The following PRKN variants were observed in gnomAD, a reference collection of about 807,000 sequenced individuals.
PRKN encodes E3 ubiquitin-protein ligase parkin.
A neutral mutation model predicts 59.5 loss-of-function variants in PRKN; 56 were observed. The observed-to-expected ratio is 0.94, with a 90% CI of 0.76 to 1.18. The LOEUF (loss-of-function observed/expected upper bound fraction) is 1.18, where lower values mean the gene tolerates loss of function less well. Among genes scored for constraint, PRKN ranks in the 50% most tolerant of loss-of-function variants. The pLI is 0.00. For synonymous variants in PRKN, 250 were observed against 222.1 expected (o/e 1.13, Z -1.12); for missense variants, 657 against 596.4 (o/e 1.10, Z -1.06).
chr6:161,937,670 T>G (rs980569522), intron 6 of PRKN, among the ~76,000 whole-genome samples: 1 of 152,336 alleles, frequency 6.6e-6, no homozygotes, highest in East Asian at 1.9e-4. Flanking sequence ...GAACTCTTTT[T>G]AGTGAAATCA....
At chr6:161,438,043 T>A (rs989407452) in intron 9 of PRKN, among the ~76,000 whole-genome samples, 2 of 152,026 alleles carry the variant, frequency 1.3e-5, no homozygotes, top group Non-Finnish European at 2.9e-5. Context: ...TCGTACTAAG[T>A]CAGGATGATG....
At chr6:161,777,752 T>C (rs1475042049) in intron 7 of PRKN, among the ~76,000 whole-genome samples, 1 of 134,700 alleles carries the variant, frequency 7.4e-6, no homozygotes, top group Non-Finnish European at 1.5e-5. Flanking sequence ...TATATAGATA[T>C]ATATGTATAT....
At chr6:161,718,483 C>G (rs1787082432) in intron 7 of PRKN, among the ~76,000 whole-genome samples, 1 of 152,088 alleles carries the variant, frequency 6.6e-6, no homozygotes, top group Non-Finnish European at 1.5e-5. Context: ...AATGATGGTG[C>G]CTTGGGAACC....
intron 9 of PRKN, among the ~76,000 whole-genome samples, chr6:161,542,869 T>C (rs780403893): frequency 1.9e-4 from 29 of 152,150 alleles, no homozygotes; most frequent in Non-Finnish European, 3.1e-4. Context: ...CATCATATAT[T>C]TGGAGACTAG....
intron 6 of PRKN, among the ~76,000 whole-genome samples, chr6:161,843,834 T>C (rs1793089690): frequency 2.0e-5 from 3 of 152,142 alleles, no homozygotes; most frequent in Admixed American, 2.0e-4. Context: ...CATTCCATAG[T>C]ACAGCTACGA....
chr6:161,516,497 G>A (rs1453395554), intron 9 of PRKN, among the ~76,000 whole-genome samples: 3,781 of 76,598 alleles, frequency 0.049, 163 homozygotes, highest in African/African-American at 0.096. Flanking sequence ...AAAAAAAGAA[G>A]AAGAAGAAAG....
At chr6:162,338,535 G>A (rs1344344251) in intron 2 of PRKN, among the ~76,000 whole-genome samples, 1 of 152,166 alleles carries the variant, frequency 6.6e-6, no homozygotes, top group African/African-American at 2.4e-5. Flanking sequence ...ATTGCAGACG[G>A]AGTCTCCTTC....
In PRKN at chr6:161,663,827, T is replaced by C. The variant is rs188836657; in HGVS notation, c.872-94411A>G. 5.3e-5 allele frequency among the ~76,000 whole-genome samples: 8 copies of C among 152,184 alleles called. No individual in the cohort carries two copies. In the East Asian group the frequency reaches 1.5e-3, roughly 29 times the overall value. Reference sequence around the variant, plus strand: ...TCTAAGCTCCCAACAGCCGGCCCTGTGGTGAGAGGGTGGCTGGTGGACCAC... The same window carrying C: ...TCTAAGCTCCCAACAGCCGGCCCTGCGGTGAGAGGGTGGCTGGTGGACCAC... On this transcript the variant is annotated intron_variant, in intron 7 of 11. Transcript: ENST00000366898.
chr6:161,935,402 A>G (rs1779317300), intron 6 of PRKN, among the ~76,000 whole-genome samples: 1 of 151,928 alleles, frequency 6.6e-6, no homozygotes. Flanking sequence ...AAAATACAAA[A>G]AATTACCCAG....
chr6:162,180,253 G>C (rs867637433), intron 4 of PRKN, among the ~76,000 whole-genome samples: 7 of 152,076 alleles, frequency 4.6e-5, no homozygotes, highest in African/African-American at 1.7e-4. Context: ...AGAGACTACA[G>C]TCAATAATAA....
chr6:161,927,719 G>A (rs1222853490), intron 6 of PRKN, among the ~76,000 whole-genome samples: 2 of 151,852 alleles, frequency 1.3e-5, no homozygotes, highest in African/African-American at 4.8e-5. Context: ...AAGTTGCAGT[G>A]AGCCAAGACC....
intron 6 of PRKN, among the ~76,000 whole-genome samples, chr6:161,864,803 C>CCA (rs111415532): frequency 1.3e-5 from 2 of 151,384 alleles, no homozygotes; most frequent in Non-Finnish European, 2.9e-5. Context: ...ATTACAGTCG[C>CCA]CCACCACACC....
At position 161,366,982 on chromosome 6, in the gene PRKN, C is replaced by CTTTT. The variant is rs57164972; in HGVS notation, c.1168-6781_1168-6778dup. ...AAGTTTTTTGGGGTTTTTTTGTTTC[C>CTTTT]TTTTTTTTTTTTTTTTTTTTTTTTT... is the stretch of plus-strand genomic sequence containing the variant. On this transcript the variant is annotated intron_variant, in intron 10 of 11. Coordinates refer to ENST00000366898, the MANE Select transcript of PRKN (RefSeq NM_004562.3). Among the ~76,000 whole-genome samples the CTTTT allele has an allele frequency of 1.3e-4, 12 of 91,970 alleles. 1 individual carries two copies. Among genetic ancestry groups the CTTTT allele is most frequent in the Non-Finnish European group, 2.2e-4 (10 of 45,008 alleles). The allele number at this position is 91,970 out of a possible 152,430, so 60.3% of individuals were successfully genotyped here. A position where few individuals can be genotyped will look rare whatever the true frequency, so the allele number is the denominator to read the frequency against.
intron 6 of PRKN, among the ~76,000 whole-genome samples, chr6:161,838,175 C>T (rs1051242824): frequency 1.3e-5 from 2 of 152,196 alleles, no homozygotes; most frequent in African/African-American, 4.8e-5. Flanking sequence ...GACTCATCTG[C>T]TCCTTAAAAC....
intron 6 of PRKN, among the ~76,000 whole-genome samples, chr6:161,930,093 C>T (rs181641510): frequency 6.6e-6 from 1 of 152,270 alleles, no homozygotes; most frequent in East Asian, 1.9e-4. Flanking sequence ...ATGAGCCATA[C>T]TGGGGTTCAG....
chr6:161,934,366 A>C (rs1347512650), intron 6 of PRKN, among the ~76,000 whole-genome samples: 1 of 152,238 alleles, frequency 6.6e-6, no homozygotes, highest in African/African-American at 2.4e-5. Context: ...AGAATGGATT[A>C]ATACAAATGC....
At chr6:162,603,476 C>T (rs1781788277) in intron 1 of PRKN, among the ~76,000 whole-genome samples, 1 of 152,144 alleles carries the variant, frequency 6.6e-6, no homozygotes, top group Admixed American at 6.6e-5. Flanking sequence ...TCTTTGACTG[C>T]CTTTGCATGA....
chr6:161,842,319 A>C (rs1793020063), intron 6 of PRKN, among the ~76,000 whole-genome samples: 1 of 151,864 alleles, frequency 6.6e-6, no homozygotes, highest in African/African-American at 2.4e-5. Flanking sequence ...CCTCGTCTTT[A>C]CTAAAAATAC....
chr6:162,104,693 ACC>A (rs1338837648), intron 4 of PRKN, among the ~76,000 whole-genome samples: 1 of 152,204 alleles, frequency 6.6e-6, no homozygotes, highest in Non-Finnish European at 1.5e-5. Context: ...ACCGTGTAAC[ACC>A]AATTGTTGCT....
Sources: allele counts gnomAD v4.1 joint callset (sites outside exome capture counted in the v4.1 genomes callset), GRCh38; gene constraint gnomAD v4.1.1; transcripts MANE v1.5; gene names NCBI Gene and HGNC (gene_info 2026-07-23, HGNC 2026-07-21).